PTPN3: variants seen among roughly 807,000 people sequenced by gnomAD.
PTPN3 encodes the protein tyrosine-protein phosphatase non-receptor type 3.
A neutral mutation model predicts 132.7 loss-of-function variants in PTPN3; 96 were observed. That is an observed-to-expected ratio of 0.72 (90% CI 0.61 to 0.86). The LOEUF is 0.86. Ranked by LOEUF, PTPN3 falls within the 40% of genes least tolerant of loss-of-function variation. The pLI, the probability that PTPN3 is intolerant of heterozygous loss-of-function variation, is 0.00. For missense variants in PTPN3, 1,125 were observed against 1,159.6 expected (o/e 0.97, Z 0.43); for synonymous variants, 398 against 429.0 (o/e 0.93, Z 0.89).
Position 109,379,760 on chromosome 9 carries a change from A to G in PTPN3, c.2665-127T>C, listed in dbSNP as rs917587585. The G allele has an allele frequency of 7.7e-6, 6 of 781,816 alleles. No individual in the cohort carries two copies. The African/African-American group carries it at 1.0e-4, about 13-fold the overall frequency. The allele number at this position is 781,816 out of a possible 1,614,324, so 48.4% of individuals were successfully genotyped here. A position where few individuals can be genotyped will look rare whatever the true frequency, so the allele number is the denominator to read the frequency against. On this transcript the variant is annotated intron_variant, in intron 25 of 25. Transcript: ENST00000374541. Reference sequence around the variant, plus strand: ...GAGCGCCAACTCTGGGCCACAGGCCAGGTACACCTGTGAAGCCCTAGTTCC... The same window carrying G: ...GAGCGCCAACTCTGGGCCACAGGCCGGGTACACCTGTGAAGCCCTAGTTCC...
chr9:109,436,968 C>T lies in PTPN3; in HGVS notation c.590G>A (p.Gly197Glu), dbSNP rs1844099653. The change falls in exon 9 of 26, where the codon GGG becomes GAG. Residue 197 changes from glycine to glutamate, a missense_variant and splice_region_variant. Coordinates refer to ENST00000374541, the MANE Select transcript of PTPN3 (RefSeq NM_002829.4). ...KVESLHEQHS[G>E]LKQSEAESCY... The stretch of plus-strand genomic sequence containing the variant: ...GGATTCTGCTTCTGATTGTTTTAGC[C>T]CACTACGGAAGAAAAGACAAAAAGC... 3 of 1,613,700 alleles carry T rather than the reference C, an allele frequency of 1.9e-6. No individual in the cohort carries two copies. The highest frequency in any genetic ancestry group is 2.7e-5 in the African/African-American group (2 of 74,882).
the PTPN3 span, among the ~76,000 whole-genome samples, chr9:109,516,373 G>A: frequency 1.1e-4 from 17 of 152,342 alleles, no homozygotes; most frequent in Middle Eastern, 0.014. Flanking sequence ...GACTAATCCT[G>A]TCTGGTGGGT....
At position 109,379,531 on chromosome 9, in the gene PTPN3, A is replaced by G; in HGVS notation, c.*25T>C. 1 of 1,593,304 alleles carries G rather than the reference A, an allele frequency of 6.3e-7. No homozygotes were observed. Among genetic ancestry groups the G allele is most frequent in the Non-Finnish European group, 8.6e-7 (1 of 1,161,182 alleles). Reference sequence around the variant, plus strand: ...TTCAAGGAGGATGCCCTTGGGAAAGAGGAATGAACTTTTTCACAGTTGTCT... The same window carrying G: ...TTCAAGGAGGATGCCCTTGGGAAAGGGGAATGAACTTTTTCACAGTTGTCT... On this transcript the variant is annotated 3_prime_UTR_variant, in exon 26 of 26. Transcript: ENST00000374541.
chr9:109,408,966 C>T (rs934239055), intron 16 of PTPN3, among the ~76,000 whole-genome samples: 2 of 151,586 alleles, frequency 1.3e-5, no homozygotes, highest in African/African-American at 4.9e-5. Flanking sequence ...GTCCTCAACA[C>T]AGCTGCTGGG....
At chr9:109,484,648 G>A (rs1018219396) in intron 1 of PTPN3, among the ~76,000 whole-genome samples, 1 of 152,208 alleles carries the variant, frequency 6.6e-6, no homozygotes, top group Non-Finnish European at 1.5e-5. Context: ...GAGGCGACAG[G>A]AGGGTAGTGA....
intron 18 of PTPN3, 110 bp downstream of exon 18, chr9:109,406,352 T>C: frequency 1.5e-6 from 2 of 1,353,540 alleles, no homozygotes; most frequent in African/African-American, 2.9e-5. Flanking sequence ...TTCTTGATTT[T>C]CAAATGTTGG....
intron 1 of PTPN3, among the ~76,000 whole-genome samples, chr9:109,465,952 A>G (rs561600851): frequency 2.0e-5 from 3 of 152,194 alleles, no homozygotes; most frequent in African/African-American, 7.2e-5. Flanking sequence ...GATTAACTCC[A>G]GTTCATCGTC....
chr9:109,490,855 G>T (rs199750085), intron 1 of PTPN3, among the ~76,000 whole-genome samples: 2 of 147,092 alleles, frequency 1.4e-5, no homozygotes, highest in African/African-American at 2.5e-5. Context: ...ATTTATAAGA[G>T]TTTTTTTTTT....
At chr9:109,536,302 C>T in the PTPN3 span, among the ~76,000 whole-genome samples, 2 of 152,052 alleles carry the variant, frequency 1.3e-5, no homozygotes, top group Non-Finnish European at 2.9e-5. Context: ...ACCTTTTAGC[C>T]GTTGTGAATG....
chr9:109,410,733 A>G (rs1170225487), intron 14 of PTPN3, among the ~76,000 whole-genome samples: 1 of 152,184 alleles, frequency 6.6e-6, no homozygotes, highest in Non-Finnish European at 1.5e-5. Context: ...TGGTGGTTTC[A>G]TTACTGAACC....
rs1564431249 is a variant in PTPN3, at chr9:109,428,645, G to A, written c.804C>T (p.Phe268=). 6.2e-7 allele frequency: 1 copy of A among 1,613,758 alleles called. No individual in the cohort carries two copies. The highest frequency in any genetic ancestry group is 8.5e-7 in the Non-Finnish European group (1 of 1,179,808). The stretch of plus-strand genomic sequence containing the variant: ...CCTGTTTCTGTCGCTGATGTATGAA[G>A]AACTTTTTCCTTTTGAAAGAAATTT... The part of the protein sequence containing the change: ...ILKISFKRKK[F]FIHQRQKQAE... Residue 268 remains phenylalanine (F), a synonymous_variant, in exon 11 of 26, where the codon TTC becomes TTT. Coordinates refer to ENST00000374541, the MANE Select transcript of PTPN3 (RefSeq NM_002829.4).
At position 109,408,216 on chromosome 9, in the gene PTPN3, T is replaced by C; in HGVS notation, c.1635+105A>G. On this transcript the variant is annotated intron_variant, in intron 17 of 25. Transcript: ENST00000374541. ...ACATGGTGATGTATATCTAAGCACA[T>C]TCTTTGCTCTGGCAAAAAAAGAAAC... The C allele has an allele frequency of 8.9e-6, 8 of 901,608 alleles. No homozygotes were observed. The South Asian group carries it at 1.6e-4, about 18-fold the overall frequency. The allele number at this position is 901,608 out of a possible 1,614,324, so 55.9% of individuals were successfully genotyped here. A position where few individuals can be genotyped will look rare whatever the true frequency, so the allele number is the denominator to read the frequency against.
intron 1 of PTPN3, among the ~76,000 whole-genome samples, chr9:109,494,146 G>A (rs1275811463): frequency 2.0e-5 from 3 of 152,248 alleles, no homozygotes; most frequent in Non-Finnish European, 1.5e-5. Context: ...ACCCGAACCA[G>A]AGCAGGTGGG....
intron 12 of PTPN3, 57 bp downstream of exon 12, chr9:109,426,893 A>T: frequency 6.6e-7 from 1 of 1,511,696 alleles, no homozygotes; most frequent in Non-Finnish European, 9.1e-7. Context: ...TTCACTGATG[A>T]CCAGGATGCA....
intron 14 of PTPN3, among the ~76,000 whole-genome samples, chr9:109,420,031 T>C (rs4978807): frequency 0.53 from 80,139 of 152,034 alleles, 21,459 homozygotes; most frequent in South Asian, 0.72. Flanking sequence ...TTCCAATGAT[T>C]TGAAATCATG....
chr9:109,446,331 C>T (rs1437070356), intron 6 of PTPN3, among the ~76,000 whole-genome samples: 2 of 152,224 alleles, frequency 1.3e-5, no homozygotes, highest in African/African-American at 2.4e-5. Flanking sequence ...TCTGACAATG[C>T]GGCCCTCCAG....
chr9:109,483,983 A>G (rs1847086753), intron 1 of PTPN3, among the ~76,000 whole-genome samples: 1 of 152,218 alleles, frequency 6.6e-6, no homozygotes, highest in African/African-American at 2.4e-5. Context: ...CAGAATCTGA[A>G]TCATTTTGTA....
chr9:109,462,287 C>T (rs780883553), intron 2 of PTPN3, among the ~76,000 whole-genome samples: 30 of 152,236 alleles, frequency 2.0e-4, no homozygotes, highest in Non-Finnish European at 4.1e-4. Context: ...CAGCACCCAC[C>T]GTGCTAAAAC....
chr9:109,391,235 G>T, intron 20 of PTPN3, 36 bp from the exon 21 acceptor site: 1 of 1,583,224 alleles, frequency 6.3e-7, no homozygotes, highest in Non-Finnish European at 8.7e-7. Context: ...ATTATTCCGA[G>T]CATTATTTTT....
Sources: gnomAD v4.1 joint callset for allele counts (sites outside exome capture counted in the v4.1 genomes callset) on GRCh38, gnomAD v4.1.1 for gene constraint, MANE v1.5 for transcripts, NCBI Gene and HGNC (gene_info 2026-07-23, HGNC 2026-07-21) for gene names.